ANXA3: variants seen among roughly 807,000 people sequenced by gnomAD.
ANXA3 encodes the protein annexin A3.
A neutral mutation model predicts 48.8 loss-of-function variants in ANXA3; 46 were observed. The ratio of observed to expected loss-of-function variants is 0.94; its 90% CI spans 0.74 to 1.21. ANXA3 has a LOEUF of 1.21. Ranked by LOEUF, ANXA3 falls within the 50% of genes most tolerant of loss-of-function variation. The pLI is 0.00. For missense variants in ANXA3, 383 were observed against 378.6 expected (o/e 1.01, Z -0.10); for synonymous variants, 128 against 134.7 (o/e 0.95, Z 0.35).
chr4:78,584,418 C>T (rs751745717), intron 5 of ANXA3, among the ~76,000 whole-genome samples: 1 of 152,126 alleles, frequency 6.6e-6, no homozygotes, highest in Non-Finnish European at 1.5e-5. Context: ...TCAAGCAATC[C>T]TCCTGCCTCG....
intron 12 of ANXA3, among the ~76,000 whole-genome samples, chr4:78,605,777 A>G (rs1372814403): frequency 6.6e-6 from 1 of 152,240 alleles, no homozygotes; most frequent in African/African-American, 2.4e-5. Flanking sequence ...GAAACTTCAA[A>G]TAAATTACAA....
chr4:78,608,057 C>G (rs1196562469), intron 12 of ANXA3, among the ~76,000 whole-genome samples: 2 of 152,010 alleles, frequency 1.3e-5, no homozygotes, highest in Admixed American at 6.6e-5. Context: ...TCAGCGAATT[C>G]ACTCATTCAA....
chr4:78,581,035 T>G (rs1454637323), intron 4 of ANXA3, among the ~76,000 whole-genome samples: 1 of 152,186 alleles, frequency 6.6e-6, no homozygotes, highest in Admixed American at 6.5e-5. Flanking sequence ...AAGATTCAGC[T>G]GCAGTGGCTT....
intron 2 of ANXA3, among the ~76,000 whole-genome samples, chr4:78,556,480 A>G (rs1040988134): frequency 6.6e-6 from 1 of 152,154 alleles, no homozygotes; most frequent in Non-Finnish European, 1.5e-5. Context: ...TTTTCAATAT[A>G]TCACCTTCTG....
intron 2 of ANXA3, among the ~76,000 whole-genome samples, chr4:78,558,553 G>C (rs1256485152): frequency 2.6e-5 from 4 of 152,192 alleles, no homozygotes; most frequent in Admixed American, 1.3e-4. Context: ...TATGATCAAG[G>C]GAGAAGTCAT....
intron 7 of ANXA3, among the ~76,000 whole-genome samples, chr4:78,592,602 G>A (rs1043916052): frequency 1.3e-5 from 2 of 152,160 alleles, no homozygotes; most frequent in Non-Finnish European, 1.5e-5. Context: ...AGGGCTCTAG[G>A]ACAGGGTTCT....
rs761738993 is a variant in ANXA3, at chr4:78,586,340, C to A, written c.393C>A (p.Ala131=). 1 of 1,611,806 alleles carries A rather than the reference C, an allele frequency of 6.2e-7. No homozygotes were observed. Among genetic ancestry groups the A allele is most frequent in the Non-Finnish European group, 8.5e-7 (1 of 1,178,410 alleles). Residue 131 remains alanine, a synonymous_variant, in exon 6 of 13, where the codon GCC becomes GCA. Transcript: ENST00000264908. ...TSRQMKDISQ[A]YYTVYKKSLG... ...GGCAAATGAAGGATATCTCTCAAGC[C>A]TATTATACAGGTGTCTTATTTTCTG...
At chr4:78,583,840 T>C (rs1364504322) in intron 5 of ANXA3, among the ~76,000 whole-genome samples, 1 of 152,206 alleles carries the variant, frequency 6.6e-6, no homozygotes, top group Non-Finnish European at 1.5e-5. Context: ...CCGAGAAAGG[T>C]AATCTCCCTT....
intron 10 of ANXA3, among the ~76,000 whole-genome samples, chr4:78,598,838 C>G (rs796093973): frequency 9.9e-5 from 15 of 152,198 alleles, no homozygotes; most frequent in African/African-American, 3.4e-4. Context: ...CCACCCCTGG[C>G]CTATATTGTT....
intron 12 of ANXA3, 114 bp from the exon 13 acceptor site, chr4:78,609,942 A>G (rs1723723613): frequency 3.3e-6 from 2 of 607,804 alleles, no homozygotes; most frequent in Non-Finnish European, 5.6e-6. Context: ...ACTAAATGGT[A>G]TAGCTCATGA....
chr4:78,587,134 C>T (rs988622762), intron 6 of ANXA3, among the ~76,000 whole-genome samples: 1 of 152,222 alleles, frequency 6.6e-6, no homozygotes, highest in East Asian at 1.9e-4. Flanking sequence ...CCAGTGGAAG[C>T]TTCCACTCTC....
At chr4:78,582,636 A>G (rs1465851238) in intron 5 of ANXA3, among the ~76,000 whole-genome samples, 3 of 152,108 alleles carry the variant, frequency 2.0e-5, no homozygotes, top group Non-Finnish European at 4.4e-5. Context: ...AAGCTCCCAA[A>G]TCTATCAGCA....
chr4:78,591,696 A>C, intron 7 of ANXA3, 73 bp downstream of exon 7: 1 of 1,107,356 alleles, frequency 9.0e-7, no homozygotes, highest in South Asian at 1.3e-5. Flanking sequence ...GGGAGTTTAA[A>C]AATAACCAAA....
intron 2 of ANXA3, 93 bp from the exon 3 acceptor site, chr4:78,573,087 C>T (rs780759567): frequency 1.0e-6 from 1 of 957,670 alleles, no homozygotes; most frequent in East Asian, 2.4e-5. Flanking sequence ...ATGGGTTTGT[C>T]ATATGCCTCT....
intron 5 of ANXA3, 78 bp downstream of exon 5, chr4:78,582,368 C>G: frequency 1.1e-6 from 1 of 939,158 alleles, no homozygotes; most frequent in Middle Eastern, 2.2e-4. Context: ...GCAGTGCACA[C>G]TTGTGATGGG....
intron 12 of ANXA3, among the ~76,000 whole-genome samples, chr4:78,608,879 G>A (rs1723702654): frequency 1.3e-5 from 2 of 152,236 alleles, no homozygotes; most frequent in South Asian, 4.2e-4. Flanking sequence ...GAGTTACTTG[G>A]ATGTATTTTC....
chr4:78,601,362 T>C, intron 10 of ANXA3, 148 bp from the exon 11 acceptor site: 2 of 639,708 alleles, frequency 3.1e-6, no homozygotes, highest in South Asian at 4.6e-5. Context: ...GTAAGCAGCC[T>C]TTCTTTCATT....
intron 2 of ANXA3, among the ~76,000 whole-genome samples, chr4:78,567,109 A>C (rs1722747528): frequency 6.6e-6 from 1 of 152,194 alleles, no homozygotes; most frequent in African/African-American, 2.4e-5. Context: ...AGCCAGTGGC[A>C]CTTCTAGGTG....
At chr4:78,585,612 A>G (rs1360357391) in intron 5 of ANXA3, among the ~76,000 whole-genome samples, 1 of 152,256 alleles carries the variant, frequency 6.6e-6, no homozygotes, top group East Asian at 1.9e-4. Flanking sequence ...TAAGCAAGAA[A>G]GACAAAAGAG....
Sources: gnomAD v4.1 joint callset for allele counts (sites outside exome capture counted in the v4.1 genomes callset) on GRCh38, gnomAD v4.1.1 for gene constraint, MANE v1.5 for transcripts, NCBI Gene and HGNC (gene_info 2026-07-23, HGNC 2026-07-21) for gene names.